Variants in TSPEAR observed in about 807,000 individuals in gnomAD.
The protein encoded by TSPEAR is thrombospondin type laminin G domain and EAR repeats.
Under a neutral mutation model 71.6 loss-of-function variants are expected in TSPEAR, and 69 were observed. That is an observed-to-expected ratio of 0.96 (90% CI 0.79 to 1.18). The LOEUF is 1.18. Among genes scored for constraint, TSPEAR ranks in the 50% most tolerant of loss-of-function variants. The probability of loss-of-function intolerance (pLI) is 0.00; values close to 1 mark genes in which losing one functional copy is unlikely to be tolerated. For missense variants in TSPEAR, 971 were observed against 894.9 expected, an observed-to-expected ratio of 1.09 and a Z score of -1.09; for synonymous variants, 402 against 387.2, an observed-to-expected ratio of 1.04 and a Z score of -0.45.
chr21:44,677,695 G>GT, intron 1 of TSPEAR: 1 of 1,419,774 alleles, frequency 7.0e-7, no homozygotes, highest in Non-Finnish European at 9.9e-7. Context: ...TCTCCCTTTT[G>GT]TTTTTGGAGT....
intron 1 of TSPEAR, among the ~76,000 whole-genome samples, chr21:44,654,842 G>A (rs1985042304): frequency 9.4e-6 from 1 of 106,870 alleles, no homozygotes; most frequent in African/African-American, 4.2e-5. Context: ...CTATCATTCA[G>A]CAGACCGTGT....
At chr21:44,696,406 C>T (rs189577035) in intron 1 of TSPEAR, among the ~76,000 whole-genome samples, 1 of 152,208 alleles carries the variant, frequency 6.6e-6, no homozygotes, top group Admixed American at 6.5e-5. Flanking sequence ...GCTGGTGCAG[C>T]CTTTTGCACA....
At chr21:44,511,301 G>GCA (rs372243831) in intron 9 of TSPEAR, among the ~76,000 whole-genome samples, 4 of 152,114 alleles carry the variant, frequency 2.6e-5, no homozygotes, top group Admixed American at 6.5e-5. Flanking sequence ...TGCACTGTGC[G>GCA]CACACACACA....
chr21:44,595,530 T>C (rs1980307526), intron 1 of TSPEAR, among the ~76,000 whole-genome samples: 1 of 152,214 alleles, frequency 6.6e-6, no homozygotes, highest in Non-Finnish European at 1.5e-5. Flanking sequence ...TGAATGAAGT[T>C]GGTTGAACAC....
chr21:44,540,219 AGTGACTGAGTGT>A (rs2053194851), intron 2 of TSPEAR: 2 of 1,570,108 alleles, frequency 1.3e-6, no homozygotes, highest in East Asian at 2.2e-5. Flanking sequence ...TGTGTGTGTG[AGTGACTGAGTGT>A]GTGAGTGAGT....
chr21:44,669,050 A>G (rs1480119587), intron 1 of TSPEAR, among the ~76,000 whole-genome samples: 1 of 152,248 alleles, frequency 6.6e-6, no homozygotes, highest in Non-Finnish European at 1.5e-5. Context: ...ACATCAATAG[A>G]AATTATCCAA....
At chr21:44,601,930 A>C in intron 1 of TSPEAR, 6 of 782,380 alleles carry the variant, frequency 7.7e-6, no homozygotes, top group East Asian at 2.7e-5. Context: ...TCCCCCAATT[A>C]CCCAGCCCTG....
chr21:44,521,867 A>G lies in TSPEAR; in HGVS notation c.1566+16T>C, dbSNP rs1172839718. On this transcript the variant is annotated intron_variant, in intron 9 of 11. Transcript: ENST00000323084. ...GGCCAGCAATGGAGAGCCGGGGCTCATGCGGGGGGCCTTACCGGGAAGGAC... is the reference window on the plus strand; with the variant it reads ...GGCCAGCAATGGAGAGCCGGGGCTCGTGCGGGGGGCCTTACCGGGAAGGAC... The G allele has an allele frequency of 3.7e-6, 6 of 1,610,078 alleles. No individual in the cohort carries two copies. Among genetic ancestry groups the G allele is most frequent in the Non-Finnish European group, 4.2e-6 (5 of 1,177,432 alleles).
At chr21:44,655,747 T>C (rs782403875) in intron 1 of TSPEAR, among the ~76,000 whole-genome samples, 1 of 152,082 alleles carries the variant, frequency 6.6e-6, no homozygotes, top group Non-Finnish European at 1.5e-5. Context: ...CTTGATGGAT[T>C]GGCCACAGCG....
intron 1 of TSPEAR, among the ~76,000 whole-genome samples, chr21:44,636,511 T>C (rs73907100): frequency 0.033 from 5,098 of 152,210 alleles, 307 homozygotes; most frequent in African/African-American, 0.12. Context: ...TACTAGAAAT[T>C]CACATCACAT....
At chr21:44,648,325 C>T (rs587698873) in intron 1 of TSPEAR, among the ~76,000 whole-genome samples, 1 of 152,302 alleles carries the variant, frequency 6.6e-6, no homozygotes, top group Non-Finnish European at 1.5e-5. Flanking sequence ...GTCAGCACCT[C>T]CTCAGGAGGC....
intron 3 of TSPEAR, among the ~76,000 whole-genome samples, chr21:44,531,788 A>G (rs1305387372): frequency 6.6e-6 from 1 of 152,134 alleles, no homozygotes; most frequent in Non-Finnish European, 1.5e-5. Context: ...GAGGCTGGTG[A>G]CCCATGAGGG....
In TSPEAR at chr21:44,539,879, G is replaced by A. The variant is rs782036536; in HGVS notation, c.304-5956C>T. 11 of 1,578,738 alleles carry A rather than the reference G, an allele frequency of 7.0e-6. No homozygotes were observed. In the Admixed American group the frequency reaches 1.1e-4, roughly 16 times the overall value. ...GCAGGCCTGCTGGCAGGGGGAGGAG[G>A]TGCAGCAAGCCGGCTGGCAGCTAGA... On this transcript the variant is annotated intron_variant, in intron 2 of 11. Coordinates refer to ENST00000323084, the MANE Select transcript of TSPEAR (RefSeq NM_144991.3).
At chr21:44,605,120 TA>T (rs1445365332) in intron 1 of TSPEAR, among the ~76,000 whole-genome samples, 2 of 152,200 alleles carry the variant, frequency 1.3e-5, no homozygotes, top group Admixed American at 6.5e-5. Flanking sequence ...AGTTGCAAGT[TA>T]AAAAATCAAC....
At chr21:44,693,544 T>C (rs954541626) in intron 1 of TSPEAR, among the ~76,000 whole-genome samples, 2 of 152,096 alleles carry the variant, frequency 1.3e-5, no homozygotes, top group African/African-American at 2.4e-5. Flanking sequence ...GGTATGCAAA[T>C]GGCCAATAAG....
chr21:44,681,007 T>C (rs1555947838), intron 1 of TSPEAR, among the ~76,000 whole-genome samples: 2 of 152,060 alleles, frequency 1.3e-5, no homozygotes, highest in African/African-American at 4.8e-5. Flanking sequence ...GAAGAGAGAG[T>C]GTAAAATGTC....
rs150793227 is a variant in TSPEAR, at chr21:44,514,519, C to T, written c.1567-5133G>A. ...CTGGCCTTGTGAGGACCCCACATGCCGACAGCTGCAATCACAGAAGCACCA... is the reference window on the plus strand; with the variant it reads ...CTGGCCTTGTGAGGACCCCACATGCTGACAGCTGCAATCACAGAAGCACCA... On this transcript the variant is annotated intron_variant, in intron 9 of 11. Transcript: ENST00000323084. Among the ~76,000 whole-genome samples the T allele has an allele frequency of 2.9e-3, 449 of 152,282 alleles. 4 individuals carry two copies. The highest frequency in any genetic ancestry group is 1.6e-3 in the Non-Finnish European group (112 of 68,020).
chr21:44,559,995 G>T (rs2053609767), intron 2 of TSPEAR, among the ~76,000 whole-genome samples: 1 of 152,100 alleles, frequency 6.6e-6, no homozygotes, highest in Non-Finnish European at 1.5e-5. Context: ...AGACTACAGT[G>T]GAAAAATATT....
At position 44,509,405 on chromosome 21, in the gene TSPEAR, AGGTGCAGAGGTGTGGGGGAGCG is replaced by A; in HGVS notation, c.1567-41_1567-20del. On this transcript the variant is annotated intron_variant, in intron 9 of 11. Transcript: ENST00000323084. ...CGAACGTCTAGGACCAAAGGAGAGC[AGGTGCAGAGGTGTGGGGGAGCG>A]GGCGCAGAGGTGTGGGGGAGCGGGC... 2.0e-6 allele frequency: 3 copies of A among 1,476,682 alleles called. No homozygotes were observed. Among genetic ancestry groups the A allele is most frequent in the Non-Finnish European group, 2.7e-6 (3 of 1,091,772 alleles). 91.5% of individuals were successfully genotyped at this position (1,476,682 alleles called of 1,614,324 possible).
Sources: gnomAD v4.1 joint callset for allele counts (sites outside exome capture counted in the v4.1 genomes callset) on GRCh38, gnomAD v4.1.1 for gene constraint, MANE v1.5 for transcripts, NCBI Gene and HGNC (gene_info 2026-07-23, HGNC 2026-07-21) for gene names.